PIK3R3: variants seen among roughly 807,000 people sequenced by gnomAD.
PIK3R3 encodes phosphatidylinositol 3-kinase regulatory subunit gamma.
Under a neutral mutation model 62.9 loss-of-function variants are expected in PIK3R3, and 64 were observed. The ratio of observed to expected loss-of-function variants is 1.02; its 90% CI spans 0.83 to 1.25. The LOEUF (loss-of-function observed/expected upper bound fraction) is 1.25, where lower values mean the gene tolerates loss of function less well. Among genes scored for constraint, PIK3R3 ranks in the 50% most tolerant of loss-of-function variants. PIK3R3 has a pLI of 0.00. For synonymous variants in PIK3R3, 165 were observed against 189.0 expected (o/e 0.87, Z 1.04); for missense variants, 614 against 561.6 (o/e 1.09, Z -0.94).
the PIK3R3 span, among the ~76,000 whole-genome samples, chr1:46,152,670 C>G: frequency 6.7e-6 from 1 of 149,448 alleles, no homozygotes; most frequent in Non-Finnish European, 1.5e-5. Context: ...TCACGCCATT[C>G]TCCTGCCTCA....
chr1:46,154,027 A>C, the PIK3R3 span, among the ~76,000 whole-genome samples: 3 of 152,214 alleles, frequency 2.0e-5, no homozygotes, highest in Non-Finnish European at 4.4e-5. Context: ...TAAGTCACAT[A>C]ATAAAGACAC....
chr1:46,114,464 A>G (rs747587567), intron 1 of PIK3R3, among the ~76,000 whole-genome samples: 1 of 152,198 alleles, frequency 6.6e-6, no homozygotes, highest in Admixed American at 6.5e-5. Context: ...CTGATTTGAC[A>G]TAACAGTGGT....
intron 1 of PIK3R3, among the ~76,000 whole-genome samples, 157 bp from the exon 2 acceptor site, chr1:46,080,907 CT>C (rs1253094064): frequency 6.6e-6 from 1 of 152,072 alleles, no homozygotes; most frequent in Non-Finnish European, 1.5e-5. Context: ...AGAAGGAATC[CT>C]TTTGATTGCC....
At chr1:46,172,400 G>A in the PIK3R3 span, among the ~76,000 whole-genome samples, 2 of 152,048 alleles carry the variant, frequency 1.3e-5, no homozygotes, top group East Asian at 1.9e-4. Flanking sequence ...AGGCTGAGGC[G>A]GGAGGATCAC....
chr1:46,173,274 TACA>T, the PIK3R3 span, among the ~76,000 whole-genome samples: 1 of 152,210 alleles, frequency 6.6e-6, no homozygotes, highest in Non-Finnish European at 1.5e-5. Flanking sequence ...GAGCCCCTGT[TACA>T]AGTACTCAGA....
At chr1:46,070,242 A>G (rs955356195) in intron 3 of PIK3R3, among the ~76,000 whole-genome samples, 1 of 152,222 alleles carries the variant, frequency 6.6e-6, no homozygotes, top group African/African-American at 2.4e-5. Flanking sequence ...GATGTCCTTG[A>G]GTAGATTAGA....
the PIK3R3 span, among the ~76,000 whole-genome samples, chr1:46,161,888 C>T: frequency 1.1e-4 from 17 of 150,716 alleles, no homozygotes; most frequent in South Asian, 4.2e-4. Context: ...GTCAGGAGAT[C>T]GAGACCATCC....
At chr1:46,074,268 G>A (rs867677435) in intron 3 of PIK3R3, among the ~76,000 whole-genome samples, 31 of 122,516 alleles carry the variant, frequency 2.5e-4, no homozygotes, top group Middle Eastern at 6.4e-3. Flanking sequence ...CAGCCTGGGC[G>A]ACAGAGCTAG....
chr1:46,074,318 C>CA (rs1491262311), intron 3 of PIK3R3, among the ~76,000 whole-genome samples: 1 of 68,094 alleles, frequency 1.5e-5, no homozygotes, highest in Non-Finnish European at 2.8e-5. Context: ...AAAAAAAAAA[C>CA]CAATAAATTC....
In PIK3R3 at chr1:46,132,247, C is replaced by A. The variant is rs1655677998; in HGVS notation, c.-295G>T. Reference sequence around the variant, plus strand: ...TGTTAAAAAGCGGCTTCCCAAAAATCCTTTCTACACAGTCGCTCTCCGGGG... The same window carrying A: ...TGTTAAAAAGCGGCTTCCCAAAAATACTTTCTACACAGTCGCTCTCCGGGG... On this transcript the variant is annotated 5_prime_UTR_variant, in exon 1 of 10. Coordinates refer to ENST00000262741, the MANE Select transcript of PIK3R3 (RefSeq NM_003629.4). 1 of 1,153,128 alleles carries A rather than the reference C, an allele frequency of 8.7e-7. No individual in the cohort carries two copies. Among genetic ancestry groups the A allele is most frequent in the Non-Finnish European group, 1.1e-6 (1 of 931,698 alleles). The allele number at this position is 1,153,128 out of a possible 1,614,324, so 71.4% of individuals were successfully genotyped here.
chr1:46,113,368 T>A (rs1490442658), intron 1 of PIK3R3, among the ~76,000 whole-genome samples: 1 of 149,628 alleles, frequency 6.7e-6, no homozygotes, highest in Non-Finnish European at 1.5e-5. Context: ...GACCCAATCA[T>A]AGTTCACTGC....
the PIK3R3 span, among the ~76,000 whole-genome samples, chr1:46,171,688 G>A: frequency 3.3e-5 from 5 of 152,028 alleles, no homozygotes; most frequent in Non-Finnish European, 5.9e-5. Flanking sequence ...GCCTGAGTCA[G>A]ACTCCCAGGA....
chr1:46,066,198 A>G lies in PIK3R3; in HGVS notation c.496-19T>C. 1.3e-6 allele frequency: 2 copies of G among 1,506,128 alleles called. No homozygotes were observed. Among genetic ancestry groups the G allele is most frequent in the Non-Finnish European group, 1.8e-6 (2 of 1,098,196 alleles). The allele number at this position is 1,506,128 out of a possible 1,614,324, so 93.3% of individuals were successfully genotyped here. A position where few individuals can be genotyped will look rare whatever the true frequency, so the allele number is the denominator to read the frequency against. On this transcript the variant is annotated intron_variant, in intron 4 of 9. Coordinates refer to ENST00000262741, the MANE Select transcript of PIK3R3 (RefSeq NM_003629.4). The stretch of plus-strand genomic sequence containing the variant: ...ACTGATCCTATACAGGTAAAGAAAA[A>G]AATAAAGAATGTTAACAATTCTGAC...
intron 1 of PIK3R3, among the ~76,000 whole-genome samples, chr1:46,129,217 A>T (rs1209190247): frequency 6.6e-6 from 1 of 152,194 alleles, no homozygotes; most frequent in Non-Finnish European, 1.5e-5. Context: ...TAAGATTTCA[A>T]CATGTAACTA....
the PIK3R3 span, among the ~76,000 whole-genome samples, chr1:46,142,724 A>G: frequency 2.0e-5 from 3 of 152,044 alleles, no homozygotes; most frequent in Non-Finnish European, 4.4e-5. Context: ...GAAAAGAAAA[A>G]AAAAGAAAGT....
chr1:46,156,919 T>C, the PIK3R3 span, among the ~76,000 whole-genome samples: 1 of 152,230 alleles, frequency 6.6e-6, no homozygotes, highest in Non-Finnish European at 1.5e-5. Flanking sequence ...TCAGCTGGGC[T>C]ATTATGATAT....
At chr1:46,158,513 C>G in the PIK3R3 span, among the ~76,000 whole-genome samples, 1 of 152,232 alleles carries the variant, frequency 6.6e-6, no homozygotes, top group Non-Finnish European at 1.5e-5. Context: ...GAGCACTGCA[C>G]TTGTTATTCT....
At position 46,055,942 on chromosome 1, in the gene PIK3R3, G is replaced by A; in HGVS notation, c.794C>T (p.Ser265Leu). The A allele has an allele frequency of 1.3e-6, 2 of 1,593,210 alleles. No individual in the cohort carries two copies. The highest frequency in any genetic ancestry group is 2.2e-5 in the East Asian group (1 of 44,540). ...RIMMNYDKLKSRLGEIHDSKM... is the reference protein window; with the variant it reads ...RIMMNYDKLKLRLGEIHDSKM... ...GCTATCATGAATCTCACCCAGACGTGATTTCAATTTATCATAATTCATCAT... is the reference window on the plus strand; with the variant it reads ...GCTATCATGAATCTCACCCAGACGTAATTTCAATTTATCATAATTCATCAT... The change falls in exon 7 of 10, where the codon TCA (serine) becomes TTA (leucine). Residue 265 changes from serine (S) to leucine (L), a missense_variant. By Grantham distance (145) the Ser-to-Leu change is moderately radical. Transcript: ENST00000262741.
intron 2 of PIK3R3, among the ~76,000 whole-genome samples, chr1:46,078,319 C>T (rs1650256417): frequency 6.6e-6 from 1 of 152,224 alleles, no homozygotes; most frequent in Non-Finnish European, 1.5e-5. Flanking sequence ...AGAGAGGTCA[C>T]TTGAGGTCAC....
Sources: gnomAD v4.1 joint callset for allele counts (sites outside exome capture counted in the v4.1 genomes callset) on GRCh38, gnomAD v4.1.1 for gene constraint, MANE v1.5 for transcripts, NCBI Gene and HGNC (gene_info 2026-07-23, HGNC 2026-07-21) for gene names.